SRGAP3: variants seen among roughly 807,000 people sequenced by gnomAD.
The protein encoded by SRGAP3 is SLIT-ROBO Rho GTPase activating protein 3.
A neutral mutation model predicts 121.1 loss-of-function variants in SRGAP3; 39 were observed. The ratio of observed to expected loss-of-function variants is 0.32; its 90% confidence interval spans 0.25 to 0.42. The LOEUF (loss-of-function observed/expected upper bound fraction) is 0.42. Ranked by LOEUF, SRGAP3 falls within the 10% of genes least tolerant of loss-of-function variation. SRGAP3 has a pLI of 1.00. For synonymous variants in SRGAP3, 601 were observed against 570.0 expected (o/e 1.05, Z -0.77); for missense variants, 1,213 against 1,470.6 (o/e 0.82, Z 2.86).
intron 3 of SRGAP3, among the ~76,000 whole-genome samples, chr3:9,281,945 C>T (rs1409292140): frequency 6.6e-6 from 1 of 152,182 alleles, no homozygotes; most frequent in Non-Finnish European, 1.5e-5. Context: ...GGACTACAGG[C>T]ATGAGCCACT....
chr3:9,058,051 A>C (rs1012893635), intron 7 of SRGAP3, among the ~76,000 whole-genome samples, 200 bp downstream of exon 7: 1 of 152,174 alleles, frequency 6.6e-6, no homozygotes, highest in Non-Finnish European at 1.5e-5. Flanking sequence ...AGGTCCTGTA[A>C]TTCTGCACGG....
intron 1 of SRGAP3, among the ~76,000 whole-genome samples, chr3:9,214,629 T>C (rs391466): frequency 0.013 from 1,942 of 152,228 alleles, 26 homozygotes; most frequent in African/African-American, 0.031. Flanking sequence ...AATAGACAAT[T>C]ATGTAAAATG....
chr3:9,247,976 C>G (rs149349455), intron 1 of SRGAP3, among the ~76,000 whole-genome samples: 210 of 152,304 alleles, frequency 1.4e-3, no homozygotes, highest in African/African-American at 4.6e-3. Flanking sequence ...GCGGCAAGCC[C>G]GCATTTAGCC....
Position 8,994,445 on chromosome 3 carries a change from G to A in SRGAP3, c.2306C>T (p.Ala769Val), listed in dbSNP as rs757356484. Residue 769 changes from alanine to valine, a missense_variant, in exon 19 of 22, where the codon GCC (alanine) becomes GTC (valine). Transcript: ENST00000383836. ...GGCGCGGTGGTACAGGAGCAGCGAGGCCCCCTTCTTGAAGGATAGCTCACG... is the reference window on the plus strand; with the variant it reads ...GGCGCGGTGGTACAGGAGCAGCGAGACCCCCTTCTTGAAGGATAGCTCACG... ...SPRELSFKKG[A>V]SLLLYHRASE... The A allele has an allele frequency of 2.5e-6, 4 of 1,614,066 alleles. No homozygotes were observed. Among genetic ancestry groups the A allele is most frequent in the African/African-American group, 1.3e-5 (1 of 74,932 alleles).
intron 1 of SRGAP3, among the ~76,000 whole-genome samples, chr3:9,171,379 T>C (rs1311648015): frequency 2.6e-5 from 4 of 152,226 alleles, no homozygotes; most frequent in Non-Finnish European, 5.9e-5. Flanking sequence ...CTGGAACATC[T>C]GTGCGCCTCA....
intron 3 of SRGAP3, among the ~76,000 whole-genome samples, chr3:9,100,662 C>T (rs989599887): frequency 6.6e-6 from 1 of 152,142 alleles, no homozygotes; most frequent in Non-Finnish European, 1.5e-5. Flanking sequence ...ACAATTGGTA[C>T]AAAAATACAA....
chr3:9,333,313 A>T (rs1360896894), intron 1 of SRGAP3, among the ~76,000 whole-genome samples: 2 of 152,188 alleles, frequency 1.3e-5, no homozygotes, highest in African/African-American at 4.8e-5. Flanking sequence ...CACAGGAAAA[A>T]TAATTCAGAT....
chr3:8,985,646 C>T lies in SRGAP3; in HGVS notation c.3173G>A (p.Arg1058Gln). ...GTGCTGGACCACCGGCCGCACGGGC[C>T]GCATGGGGGGCGGGCGGAGCTGGGC... is the stretch of plus-strand genomic sequence containing the variant. ...AGAQLRPPPM[R>Q]PVRPVVQHRS... The change falls in exon 22 of 22, where the codon CGG becomes CAG. Residue 1058 changes from arginine (R) to glutamine (Q), a missense_variant. Physicochemically the swap from Arg to Gln is conservative, Grantham distance 43. Around this residue, in one of 2 missense-constraint regions of SRGAP3, gnomAD observed 420 missense variants for 437.7 expected, o/e 0.96. Coordinates refer to ENST00000383836, the MANE Select transcript of SRGAP3 (RefSeq NM_014850.4). This position sits in a 1 kb window ranked among gnomAD's most constrained non-coding sequence, Gnocchi z 5.1. The T allele has an allele frequency of 6.3e-7, 1 of 1,595,186 alleles. No individual in the cohort carries two copies. The highest frequency in any genetic ancestry group is 8.5e-7 in the Non-Finnish European group (1 of 1,177,742).
intron 1 of SRGAP3, among the ~76,000 whole-genome samples, chr3:9,184,486 G>A (rs1951534058): frequency 1.3e-5 from 2 of 152,150 alleles, no homozygotes; most frequent in Admixed American, 1.3e-4. Context: ...AGACCTCAAG[G>A]TTTTAACAGG....
chr3:9,252,777 G>A (rs1954047114), upstream of SRGAP3, among the ~76,000 whole-genome samples: 1 of 151,914 alleles, frequency 6.6e-6, no homozygotes, highest in African/African-American at 2.4e-5. Context: ...TTTCCTTGCT[G>A]TCTGAGAACC....
At chr3:9,071,945 G>C (rs1029864619) in intron 4 of SRGAP3, among the ~76,000 whole-genome samples, 1 of 152,218 alleles carries the variant, frequency 6.6e-6, no homozygotes. Flanking sequence ...AGACAAATCA[G>C]TGTGTGAGCC....
At chr3:9,066,032 C>T (rs530582323) in intron 4 of SRGAP3, among the ~76,000 whole-genome samples, 7 of 152,232 alleles carry the variant, frequency 4.6e-5, no homozygotes, top group Admixed American at 2.0e-4. Flanking sequence ...CTCCTGGGCT[C>T]AAGTGATCCT....
chr3:9,170,833 G>T (rs1950952515), intron 1 of SRGAP3, among the ~76,000 whole-genome samples: 1 of 152,180 alleles, frequency 6.6e-6, no homozygotes, highest in Non-Finnish European at 1.5e-5. Flanking sequence ...TCTCCCCCAA[G>T]CCCTTCACTT....
chr3:9,298,130 T>C (rs951125429), intron 3 of SRGAP3, among the ~76,000 whole-genome samples: 2 of 152,152 alleles, frequency 1.3e-5, no homozygotes, highest in Non-Finnish European at 2.9e-5. Context: ...ATGGCAGCCT[T>C]AGCACACTAA....
At chr3:9,176,299 C>G (rs1951178290) in intron 1 of SRGAP3, among the ~76,000 whole-genome samples, 1 of 152,164 alleles carries the variant, frequency 6.6e-6, no homozygotes, top group African/African-American at 2.4e-5. Flanking sequence ...TCACACAAGG[C>G]TATGATGAGA....
intron 1 of SRGAP3, among the ~76,000 whole-genome samples, chr3:9,357,521 CA>C (rs1275918020): frequency 2.0e-5 from 3 of 150,804 alleles, no homozygotes; most frequent in Non-Finnish European, 2.9e-5. Context: ...AGATTACAGG[CA>C]CACACCACCA....
chr3:9,174,587 T>C (rs1280027999), intron 1 of SRGAP3, among the ~76,000 whole-genome samples: 2 of 152,150 alleles, frequency 1.3e-5, no homozygotes, highest in Non-Finnish European at 2.9e-5. Context: ...GTCATATTGA[T>C]CATCTCACTG....
chr3:8,987,438 G>A (rs964778037), intron 21 of SRGAP3, among the ~76,000 whole-genome samples: 1 of 152,022 alleles, frequency 6.6e-6, no homozygotes, highest in Admixed American at 6.5e-5. Flanking sequence ...TAAATAAAAA[G>A]TATGAGTCTG....
At chr3:9,304,568 G>A (rs916099379) in intron 3 of SRGAP3, among the ~76,000 whole-genome samples, 1 of 152,172 alleles carries the variant, frequency 6.6e-6, no homozygotes, top group Non-Finnish European at 1.5e-5. Context: ...CTGACGCCCA[G>A]GTTCACCATG....
Sources: allele counts gnomAD v4.1 joint callset (sites outside exome capture counted in the v4.1 genomes callset), GRCh38; gene constraint gnomAD v4.1.1; regional missense constraint gnomAD v4.1.1; non-coding constraint Gnocchi (gnomAD v3.1); transcripts MANE v1.5; gene names NCBI Gene and HGNC (gene_info 2026-07-23, HGNC 2026-07-21).